SULF2: variants seen among roughly 807,000 people sequenced by gnomAD.
SULF2 encodes the protein extracellular sulfatase Sulf-2.
A neutral mutation model predicts 107.7 loss-of-function variants in SULF2; 52 were observed. The ratio of observed to expected loss-of-function variants is 0.48; its 90% CI spans 0.39 to 0.61. The LOEUF (loss-of-function observed/expected upper bound fraction) is 0.61, where lower values mean the gene tolerates loss of function less well. SULF2 is among the 20% of genes least tolerant of loss of function. The pLI is 0.00. For synonymous variants in SULF2, 460 were observed against 464.3 expected (o/e 0.99, Z 0.12); for missense variants, 993 against 1,177.3 (o/e 0.84, Z 2.29).
chr20:47,671,216 C>T (rs942752060), intron 11 of SULF2, among the ~76,000 whole-genome samples: 3 of 152,194 alleles, frequency 2.0e-5, no homozygotes, highest in African/African-American at 7.2e-5. Flanking sequence ...CGGCCCTTGC[C>T]GAGAATGAGG....
intron 1 of SULF2, among the ~76,000 whole-genome samples, chr20:47,764,180 C>G (rs2090477499): frequency 6.6e-6 from 1 of 152,224 alleles, no homozygotes; most frequent in Non-Finnish European, 1.5e-5. Context: ...CAGGTTAAAA[C>G]CGAAATCTCT....
chr20:47,736,902 C>A lies in SULF2; in HGVS notation c.216G>T (p.Glu72Asp). 6.2e-7 allele frequency: 1 copy of A among 1,614,232 alleles called. No homozygotes were observed. The highest frequency in any genetic ancestry group is 8.5e-7 in the Non-Finnish European group (1 of 1,180,036). Residue 72 changes from glutamate (E) to aspartate (D), a missense_variant, in exon 3 of 21, where the codon GAG becomes GAT. Physicochemically the swap from Glu to Asp is conservative, Grantham distance 45 (BLOSUM62 2). Transcript: ENST00000688720. Reference sequence around the variant, plus strand: ...CGTTGATGAAGTGCGCCCCGCCCTGCTCCATGATGCGCCGGGTCTTGTTCA... The same window carrying A: ...CGTTGATGAAGTGCGCCCCGCCCTGATCCATGATGCGCCGGGTCTTGTTCA... ...QVMNKTRRIM[E>D]QGGAHFINAF... is the part of the protein sequence containing the mutation.
intron 1 of SULF2, among the ~76,000 whole-genome samples, chr20:47,775,027 C>A (rs1212795426): frequency 6.6e-6 from 1 of 152,160 alleles, no homozygotes; most frequent in East Asian, 1.9e-4. Flanking sequence ...CCTGTTCCAG[C>A]TTGAGGTAGT....
chr20:47,759,922 C>T (rs1477472093), intron 1 of SULF2, among the ~76,000 whole-genome samples: 4 of 152,220 alleles, frequency 2.6e-5, no homozygotes, highest in Admixed American at 2.0e-4. Context: ...GGGTCAGCTC[C>T]CTGAGGACAG....
intron 3 of SULF2, among the ~76,000 whole-genome samples, chr20:47,705,859 C>T (rs1221262538): frequency 2.0e-5 from 3 of 149,294 alleles, no homozygotes; most frequent in Non-Finnish European, 4.4e-5. Context: ...AGTGCAATGG[C>T]GTGATGTCGC....
At position 47,745,393 on chromosome 20, in the gene SULF2, A is replaced by G. The variant is rs1438351777; in HGVS notation, c.176-8451T>C. Among the ~76,000 whole-genome samples, 19 of 16,792 alleles carry G rather than the reference A, an allele frequency of 1.1e-3. 1 individual carries two copies. The highest frequency in any genetic ancestry group is 0.011 in the African/African-American group (16 of 1,442). The allele number at this position is 16,792 out of a possible 152,430, so 11.0% of individuals were successfully genotyped here. Reference sequence around the variant, plus strand: ...TCTGAGTTTTGAGGGAAAAAAAAAAAAAAAAAAAAAAAAAAAAATATATAT... The same window carrying G: ...TCTGAGTTTTGAGGGAAAAAAAAAAGAAAAAAAAAAAAAAAAAATATATAT... On this transcript the variant is annotated intron_variant, in intron 2 of 20. Transcript: ENST00000688720.
intron 2 of SULF2, among the ~76,000 whole-genome samples, chr20:47,747,920 G>A (rs903291228): frequency 1.3e-5 from 2 of 151,968 alleles, no homozygotes; most frequent in East Asian, 3.9e-4. Flanking sequence ...CACCTCTCTC[G>A]CTCTGCAGTG....
intron 2 of SULF2, 38 bp from the exon 3 acceptor site, chr20:47,736,980 G>A: frequency 6.2e-7 from 1 of 1,610,774 alleles, no homozygotes. Context: ...CAGGGCAGGA[G>A]ACCCGGGCGG....
chr20:47,686,856 T>C (rs533218604), intron 5 of SULF2, among the ~76,000 whole-genome samples: 31 of 152,130 alleles, frequency 2.0e-4, no homozygotes, highest in Admixed American at 5.2e-4. Context: ...TCAGGGCCCA[T>C]GCTTCCTTTC....
At chr20:47,708,619 G>A (rs1270757699) in intron 3 of SULF2, among the ~76,000 whole-genome samples, 1 of 152,178 alleles carries the variant, frequency 6.6e-6, no homozygotes, top group Non-Finnish European at 1.5e-5. Context: ...CTGAAAGTCA[G>A]AGAAAAAGGC....
chr20:47,683,310 C>A (rs2087891517), intron 6 of SULF2, 141 bp from the exon 7 acceptor site: 4 of 786,124 alleles, frequency 5.1e-6, no homozygotes, highest in Non-Finnish European at 7.6e-6. Flanking sequence ...AGGGGCTGTC[C>A]CCTTTGTCAC....
rs547282959 is a variant in SULF2, at chr20:47,731,945, C to T, written c.415+4758G>A. ...ACCAGAGGCTGAGCACATGCTGCCA[C>T]ATTTTGATCCATGAGTGCAACTTAC... On this transcript the variant is annotated intron_variant, in intron 3 of 20. Transcript: ENST00000688720. Among the ~76,000 whole-genome samples, 7 of 152,366 alleles carry T rather than the reference C, an allele frequency of 4.6e-5. No homozygotes were observed. The East Asian group carries it at 1.3e-3, about 29-fold the overall frequency.
At chr20:47,767,902 C>CT (rs1161797057) in intron 1 of SULF2, among the ~76,000 whole-genome samples, 17 of 129,812 alleles carry the variant, frequency 1.3e-4, no homozygotes, top group Non-Finnish European at 4.9e-5. Flanking sequence ...GAGCAAGACT[C>CT]TGTCTCAAAA....
intron 11 of SULF2, among the ~76,000 whole-genome samples, chr20:47,668,200 C>T (rs990395341): frequency 2.0e-5 from 3 of 152,246 alleles, no homozygotes; most frequent in Non-Finnish European, 2.9e-5. Flanking sequence ...CCTCTTTCCA[C>T]CCTCCATCTC....
At chr20:47,663,364 C>G (rs1245675777) in intron 16 of SULF2, 89 bp downstream of exon 16, 12 of 1,583,904 alleles carry the variant, frequency 7.6e-6, no homozygotes, top group Non-Finnish European at 1.0e-5. Flanking sequence ...TGGGGACCCC[C>G]TTTCTGAGAG....
At chr20:47,664,341 T>TC in intron 14 of SULF2, 152 bp from the exon 15 acceptor site, 1 of 707,430 alleles carries the variant, frequency 1.4e-6, no homozygotes, top group Non-Finnish European at 2.4e-6. Flanking sequence ...CATGACCCTA[T>TC]CCTCAGGGCA....
intron 5 of SULF2, among the ~76,000 whole-genome samples, chr20:47,687,640 T>C (rs1412249515): frequency 5.3e-5 from 8 of 150,900 alleles, no homozygotes; most frequent in Non-Finnish European, 1.2e-4. Context: ...TCTCTGCCTA[T>C]GTCTTTGTTT....
intron 11 of SULF2, among the ~76,000 whole-genome samples, chr20:47,669,415 T>C (rs1326293979): frequency 1.3e-5 from 2 of 152,124 alleles, no homozygotes; most frequent in Non-Finnish European, 2.9e-5. Flanking sequence ...TGCAAGATGT[T>C]TTGCCGCATC....
At chr20:47,745,666 T>C (rs1298979401) in intron 2 of SULF2, among the ~76,000 whole-genome samples, 10 of 151,602 alleles carry the variant, frequency 6.6e-5, no homozygotes, top group Non-Finnish European at 1.3e-4. Context: ...GTAGCTGGGA[T>C]TACAGGCTCC....
Sources: gnomAD v4.1 joint callset for allele counts (sites outside exome capture counted in the v4.1 genomes callset) on GRCh38, gnomAD v4.1.1 for gene constraint, MANE v1.5 for transcripts, NCBI Gene and HGNC (gene_info 2026-07-23, HGNC 2026-07-21) for gene names.